HERC3: variants seen among roughly 807,000 people sequenced by gnomAD.
The protein encoded by HERC3 is HECT and RLD domain containing E3 ubiquitin protein ligase 3, also known as probable E3 ubiquitin-protein ligase HERC3.
A neutral mutation model predicts 129.9 loss-of-function variants in HERC3; 58 were observed. The ratio of observed to expected loss-of-function variants is 0.45; its 90% CI spans 0.36 to 0.56. The LOEUF is 0.56. HERC3 is among the 20% of genes least tolerant of loss of function. HERC3 has a pLI of 0.00. For missense variants in HERC3, 835 were observed against 1,244.2 expected (o/e 0.67, Z 4.95); for synonymous variants, 430 against 451.0 (o/e 0.95, Z 0.59).
rs138045850 is a variant in HERC3 at position 88,668,363 on chromosome 4, C to A, written c.1633+282C>A. ...TTTAACTTGAAACTATTTTTTTCTA[C>A]CACATTTGCTCAGTACCTCAGTATT... On this transcript the variant is annotated intron_variant, in intron 14 of 25. Transcript: ENST00000402738. 3.5e-3 allele frequency among the ~76,000 whole-genome samples: 539 copies of A among 152,130 alleles called. 4 individuals carry two copies. The highest frequency in any genetic ancestry group is 0.013 in the African/African-American group (528 of 41,502).
At chr4:88,685,354 C>T (rs10017661) in intron 21 of HERC3, among the ~76,000 whole-genome samples, 12,713 of 152,154 alleles carry the variant, frequency 0.084, 769 homozygotes, top group South Asian at 0.23. Flanking sequence ...ACCCAAATGC[C>T]CATCAATGAT....
the HERC3 span, among the ~76,000 whole-genome samples, chr4:88,548,325 G>A: frequency 6.6e-6 from 1 of 152,110 alleles, no homozygotes; most frequent in Admixed American, 6.5e-5. Flanking sequence ...AGTATATGGG[G>A]ATTTTAAATT....
chr4:88,668,086 A>G lies in HERC3; in HGVS notation c.1633+5A>G, dbSNP rs1193427657. 4.3e-6 allele frequency: 7 copies of G among 1,609,354 alleles called. No homozygotes were observed. The highest frequency in any genetic ancestry group is 3.3e-4 in the Middle Eastern group (2 of 6,044). On this transcript the variant is annotated splice_donor_5th_base_variant and intron_variant, in intron 14 of 25. Coordinates refer to ENST00000402738, the MANE Select transcript of HERC3 (RefSeq NM_014606.3). ...CAAACCCCAGCAAAGTACTAGGTGAATTTGCTAACCTCGATATCAGTGGTT... is the reference window on the plus strand; with the variant it reads ...CAAACCCCAGCAAAGTACTAGGTGAGTTTGCTAACCTCGATATCAGTGGTT...
intron 3 of HERC3, among the ~76,000 whole-genome samples, chr4:88,642,152 A>AG (rs1553935301): frequency 1.3e-5 from 2 of 150,548 alleles, no homozygotes; most frequent in African/African-American, 4.9e-5. Flanking sequence ...AAAAAAAAAA[A>AG]GGAAGGAAGA....
At chr4:88,611,429 A>G (rs1184037910) in intron 3 of HERC3, among the ~76,000 whole-genome samples, 1 of 152,064 alleles carries the variant, frequency 6.6e-6, no homozygotes, top group Non-Finnish European at 1.5e-5. Context: ...CAGGAATGCT[A>G]CCCCCAAGTA....
At chr4:88,679,312 C>T (rs1398931379) in intron 19 of HERC3, among the ~76,000 whole-genome samples, 5 of 152,148 alleles carry the variant, frequency 3.3e-5, no homozygotes, top group South Asian at 2.1e-4. Flanking sequence ...TTAGAATACC[C>T]TCTTCTCTTC....
chr4:88,631,590 T>G (rs898794231), intron 3 of HERC3, among the ~76,000 whole-genome samples: 1 of 152,260 alleles, frequency 6.6e-6, no homozygotes, highest in South Asian at 2.1e-4. Context: ...AAGTGAGTGT[T>G]TGATATGTTC....
rs558007591 is a variant in HERC3, at chr4:88,706,644, C to T, written c.2945-108C>T. On this transcript the variant is annotated intron_variant, in intron 25 of 25. Transcript: ENST00000402738. ...TTGGCACATAAATGTAATTGTACTTCTCATGCAAGCCACAGGGTGTCATGC... is the reference window on the plus strand; with the variant it reads ...TTGGCACATAAATGTAATTGTACTTTTCATGCAAGCCACAGGGTGTCATGC... 875 of 798,534 alleles carry T rather than the reference C, an allele frequency of 1.1e-3. 4 individuals carry two copies. Among genetic ancestry groups the T allele is most frequent in the Non-Finnish European group, 1.6e-3 (773 of 478,616 alleles). The allele number at this position is 798,534 out of a possible 1,614,324, so 49.5% of individuals were successfully genotyped here.
intron 23 of HERC3, chr4:88,689,935 T>G (rs977261102): frequency 3.2e-5 from 29 of 913,440 alleles, no homozygotes; most frequent in Non-Finnish European, 3.8e-5. Flanking sequence ...CATCATTCAT[T>G]AACCATTTTT....
In HERC3 at chr4:88,662,462, T is replaced by G. The variant is rs770210282; in HGVS notation, c.1178T>G (p.Met393Arg). 5 of 1,612,878 alleles carry G rather than the reference T, an allele frequency of 3.1e-6. No homozygotes were observed. The South Asian group carries it at 5.5e-5, about 18-fold the overall frequency. ...TCTCCTGCTGTTGACTTCAGGACTA[T>G]GAACCAAGCACATTATACCAGTTTA... is the stretch of plus-strand genomic sequence containing the variant. ...NYSPAVDFRT[M>R]NQAHYTSLIN... The change falls in exon 11 of 26, where the codon ATG becomes AGG. Residue 393 changes from methionine (M) to arginine (R), a missense_variant. Met to Arg is a moderately conservative substitution (Grantham distance 91, BLOSUM62 -1). Transcript: ENST00000402738.
chr4:88,571,859 C>T, the HERC3 span, among the ~76,000 whole-genome samples: 1 of 152,222 alleles, frequency 6.6e-6, no homozygotes, highest in African/African-American at 2.4e-5. Context: ...CATGGCAAGT[C>T]TGTGAGTTGG....
chr4:88,700,700 G>A (rs111734115), intron 23 of HERC3, among the ~76,000 whole-genome samples: 1 of 151,950 alleles, frequency 6.6e-6, no homozygotes, highest in Non-Finnish European at 1.5e-5. Context: ...GTGAAGCCGA[G>A]GGGGGTGGGG....
intron 9 of HERC3, among the ~76,000 whole-genome samples, chr4:88,657,911 G>A (rs937090157): frequency 6.6e-6 from 1 of 151,988 alleles, no homozygotes; most frequent in Non-Finnish European, 1.5e-5. Flanking sequence ...GAGGGGGGAG[G>A]CACCGAGATG....
At chr4:88,524,784 T>C in the HERC3 span, 1 of 152,210 alleles carries the variant, frequency 6.6e-6, no homozygotes, top group African/African-American at 2.4e-5. Flanking sequence ...GTCCGAAGAC[T>C]CAAAGATTCT....
chr4:88,572,104 T>G, the HERC3 span, among the ~76,000 whole-genome samples: 1 of 152,054 alleles, frequency 6.6e-6, no homozygotes, highest in South Asian at 2.1e-4. Context: ...GAGGGCCACA[T>G]ACAAGCCAAG....
At chr4:88,639,919 G>A (rs1727884538) in intron 3 of HERC3, among the ~76,000 whole-genome samples, 4 of 152,110 alleles carry the variant, frequency 2.6e-5, no homozygotes, top group Non-Finnish European at 4.4e-5. Flanking sequence ...AGTGGGCAAA[G>A]GATATGAACA....
the HERC3 span, among the ~76,000 whole-genome samples, chr4:88,569,112 T>G: frequency 6.6e-6 from 1 of 152,172 alleles, no homozygotes; most frequent in Non-Finnish European, 1.5e-5. Context: ...TAGCCTGTGG[T>G]GGTGGGGCTA....
At chr4:88,644,902 A>G (rs1437253864) in intron 3 of HERC3, among the ~76,000 whole-genome samples, 1 of 152,180 alleles carries the variant, frequency 6.6e-6, no homozygotes, top group East Asian at 1.9e-4. Context: ...AAATTGGAAT[A>G]TGGCTTTGGA....
chr4:88,651,913 T>A, intron 4 of HERC3, 99 bp from the exon 5 acceptor site: 1 of 889,734 alleles, frequency 1.1e-6, no homozygotes, highest in South Asian at 1.4e-5. Flanking sequence ...GGCAAGATGG[T>A]GTTATTTATT....
Sources: gnomAD v4.1 joint callset for allele counts (sites outside exome capture counted in the v4.1 genomes callset) on GRCh38, gnomAD v4.1.1 for gene constraint, MANE v1.5 for transcripts, NCBI Gene and HGNC (gene_info 2026-07-23, HGNC 2026-07-21) for gene names.